Variants in DLC1 observed in about 807,000 individuals in gnomAD.
The protein encoded by DLC1 is DLC1 Rho GTPase activating protein, also known as rho GTPase-activating protein 7.
A neutral mutation model predicts 140.3 loss-of-function variants in DLC1; 54 were observed. The observed-to-expected ratio is 0.38, with a 90% CI of 0.31 to 0.48. The LOEUF (loss-of-function observed/expected upper bound fraction) is 0.48. Among genes scored for constraint, DLC1 ranks in the 20% least tolerant of loss-of-function variants. The pLI is 0.96. For synonymous variants in DLC1, 986 were observed against 728.1 expected (o/e 1.35, Z -5.70); for missense variants, 2,536 against 1,907.0 (o/e 1.33, Z -6.14).
chr8:13,225,616 ATTTT>A (rs869199348), intron 5 of DLC1, among the ~76,000 whole-genome samples: 75 of 139,574 alleles, frequency 5.4e-4, no homozygotes, highest in African/African-American at 1.5e-3. Context: ...TATTTATTTA[ATTTT>A]TTTTTTTTTT....
In DLC1 at chr8:13,479,802, AAAGAAGAAGAAGAAGAAGAAG is replaced by A. The variant is rs60625191; in HGVS notation, c.1023+19226_1023+19246del. ...AAAAGAAAAGGAAAAGAAAGAAAGA[AAAGAAGAAGAAGAAGAAGAAG>A]AAGAAGAAGAAGAAGAAGAAGAAGA... On this transcript the variant is annotated intron_variant, in intron 2 of 17. Coordinates refer to ENST00000276297, the MANE Select transcript of DLC1 (RefSeq NM_182643.3). 1.2e-3 allele frequency among the ~76,000 whole-genome samples: 70 copies of A among 56,956 alleles called. 3 individuals are homozygous for A. In the Middle Eastern group the frequency reaches 0.025, roughly 20 times the overall value. 37.4% of individuals were successfully genotyped at this position (56,956 alleles called of 152,430 possible).
intron 1 of DLC1, among the ~76,000 whole-genome samples, chr8:13,586,723 G>A (rs1342057791): frequency 1.3e-5 from 2 of 151,568 alleles, no homozygotes; most frequent in Non-Finnish European, 2.9e-5. Context: ...AAACTATGTA[G>A]TACAATATCA....
intron 1 of DLC1, among the ~76,000 whole-genome samples, chr8:13,578,603 G>T (rs1290221531): frequency 1.3e-5 from 2 of 152,132 alleles, no homozygotes; most frequent in African/African-American, 4.8e-5. Context: ...TAAATCCAGG[G>T]TTCCCAGGAC....
At chr8:13,317,188 A>T (rs1178150135) in intron 4 of DLC1, among the ~76,000 whole-genome samples, 1 of 152,244 alleles carries the variant, frequency 6.6e-6, no homozygotes, top group Non-Finnish European at 1.5e-5. Flanking sequence ...GAAAAGATTC[A>T]AATCAAGTAT....
At chr8:13,305,444 G>T in intron 4 of DLC1, 142 bp from the exon 5 acceptor site, 1 of 764,678 alleles carries the variant, frequency 1.3e-6, no homozygotes, top group Non-Finnish European at 2.0e-6. Flanking sequence ...GGAACTATCA[G>T]TAAAATCACT....
chr8:13,253,365 T>C (rs1037593361), intron 5 of DLC1, among the ~76,000 whole-genome samples: 2 of 152,178 alleles, frequency 1.3e-5, no homozygotes, highest in Non-Finnish European at 2.9e-5. Flanking sequence ...TCGTTCATTG[T>C]GAGAGGACTT....
At chr8:13,237,884 A>G (rs949783498) in intron 5 of DLC1, among the ~76,000 whole-genome samples, 1 of 152,090 alleles carries the variant, frequency 6.6e-6, no homozygotes, top group African/African-American at 2.4e-5. Context: ...TACCTAATAC[A>G]TATATTGAAA....
chr8:13,588,002 C>G (rs189220984), intron 1 of DLC1, among the ~76,000 whole-genome samples: 2 of 152,130 alleles, frequency 1.3e-5, no homozygotes, highest in Admixed American at 1.3e-4. Context: ...ATTCCAAAGT[C>G]ATTGACCTTT....
At chr8:13,246,042 C>T (rs1242073319) in intron 5 of DLC1, among the ~76,000 whole-genome samples, 2 of 152,042 alleles carry the variant, frequency 1.3e-5, no homozygotes, top group Admixed American at 6.6e-5. Flanking sequence ...ACACTTTAAA[C>T]AAGCTGAAGA....
At chr8:13,393,793 G>T in intron 3 of DLC1, 100 bp from the exon 4 acceptor site, 2 of 1,371,142 alleles carry the variant, frequency 1.5e-6, no homozygotes, top group Non-Finnish European at 2.0e-6. Context: ...TTCTCCCAGT[G>T]CACACTGATA....
chr8:13,401,716 A>T lies in DLC1; in HGVS notation c.1024-97T>A, dbSNP rs1418797335. 2.8e-6 allele frequency: 4 copies of T among 1,437,532 alleles called. No homozygotes were observed. In the Admixed American group the frequency reaches 6.7e-5, roughly 24 times the overall value. The allele number at this position is 1,437,532 out of a possible 1,614,324, so 89.0% of individuals were successfully genotyped here. ...TTCAATGTGACAAAAAGTACACTGGATAATAGGCAGTCTTTAATTAGAAGA... is the reference window on the plus strand; with the variant it reads ...TTCAATGTGACAAAAAGTACACTGGTTAATAGGCAGTCTTTAATTAGAAGA... On this transcript the variant is annotated intron_variant, in intron 2 of 17. Coordinates refer to ENST00000276297, the MANE Select transcript of DLC1 (RefSeq NM_182643.3).
chr8:13,088,371 C>T, intron 16 of DLC1, 116 bp downstream of exon 16: 2 of 1,227,582 alleles, frequency 1.6e-6, no homozygotes, highest in Non-Finnish European at 2.3e-6. Flanking sequence ...TGTGAGCCAC[C>T]ATATGCCCGG....
intron 4 of DLC1, among the ~76,000 whole-genome samples, chr8:13,323,990 C>G (rs1032713609): frequency 3.9e-5 from 6 of 152,162 alleles, no homozygotes; most frequent in Admixed American, 6.5e-5. Flanking sequence ...TCCTTAATGC[C>G]CTGGCTGAAT....
At chr8:13,534,554 G>C (rs1042570033) in intron 1 of DLC1, among the ~76,000 whole-genome samples, 17 of 152,056 alleles carry the variant, frequency 1.1e-4, no homozygotes, top group Non-Finnish European at 2.1e-4. Context: ...CTTCTTCTCT[G>C]CTTCATAAGA....
intron 5 of DLC1, among the ~76,000 whole-genome samples, chr8:13,129,806 A>G (rs1255860865): frequency 6.6e-6 from 1 of 152,248 alleles, no homozygotes; most frequent in Non-Finnish European, 1.5e-5. Context: ...GGCAATAGCC[A>G]GGGAGGAAGG....
chr8:13,366,983 C>T (rs1230370873), intron 4 of DLC1, among the ~76,000 whole-genome samples: 1 of 152,144 alleles, frequency 6.6e-6, no homozygotes, highest in African/African-American at 2.4e-5. Flanking sequence ...AACCCTCATT[C>T]CTGTCTACTC....
rs1817386035 is a variant in DLC1, at chr8:13,084,388, G to C, written c.*1423C>G. ...TAACAAAATAAAAATCCTTCTTACAGCTCTCATTCATACATTATTCACTTT... is the reference window on the plus strand; with the variant it reads ...TAACAAAATAAAAATCCTTCTTACACCTCTCATTCATACATTATTCACTTT... On this transcript the variant is annotated 3_prime_UTR_variant, in exon 18 of 18. Transcript: ENST00000276297. 6.6e-6 allele frequency: 1 copy of C among 152,444 alleles called. No individual in the cohort carries two copies. The highest frequency in any genetic ancestry group is 2.4e-5 in the African/African-American group (1 of 41,410). 9.4% of individuals were successfully genotyped at this position (152,444 alleles called of 1,614,324 possible).
chr8:13,440,963 C>T (rs1013207643), intron 2 of DLC1, among the ~76,000 whole-genome samples: 2 of 152,150 alleles, frequency 1.3e-5, no homozygotes, highest in African/African-American at 4.8e-5. Context: ...GTGCTATTTT[C>T]ATGAGCACTG....
chr8:13,445,793 C>A (rs911003440), intron 2 of DLC1, among the ~76,000 whole-genome samples: 3 of 152,150 alleles, frequency 2.0e-5, no homozygotes, highest in African/African-American at 7.2e-5. Flanking sequence ...TAGCTTAAAA[C>A]CTGAAGAATC....
Sources: gnomAD v4.1 joint callset for allele counts (sites outside exome capture counted in the v4.1 genomes callset) on GRCh38, gnomAD v4.1.1 for gene constraint, MANE v1.5 for transcripts, NCBI Gene and HGNC (gene_info 2026-07-23, HGNC 2026-07-21) for gene names.